FOLH1: variants seen among roughly 807,000 people sequenced by gnomAD.
FOLH1 encodes folate hydrolase 1.
Under a neutral mutation model 93.9 loss-of-function variants are expected in FOLH1, and 54 were observed. The ratio of observed to expected loss-of-function variants is 0.57; its 90% CI spans 0.46 to 0.72. The LOEUF (loss-of-function observed/expected upper bound fraction) is 0.72. Among genes scored for constraint, FOLH1 ranks in the 30% least tolerant of loss-of-function variants. The probability of loss-of-function intolerance (pLI) is 0.00; values close to 1 mark genes in which losing one functional copy is unlikely to be tolerated. For missense variants in FOLH1, 571 were observed against 892.5 expected (o/e 0.64, Z 4.59); for synonymous variants, 249 against 303.6 (o/e 0.82, Z 1.87).
Position 49,181,522 on chromosome 11 carries a change from T to A in FOLH1, c.920+1627A>T, listed in dbSNP as rs1242582961. On this transcript the variant is annotated intron_variant, in intron 7 of 18. Coordinates refer to ENST00000256999, the MANE Select transcript of FOLH1 (RefSeq NM_004476.3). ...TTTTCTATATTATTAATTATTCTGG[T>A]ACTACATATAATATCTTTTAATCAC... Among the ~76,000 whole-genome samples the A allele has an allele frequency of 2.7e-4, 41 of 152,172 alleles. 1 individual carries two copies. Among genetic ancestry groups the A allele is most frequent in the Admixed American group, 2.7e-3 (41 of 15,276 alleles).
intron 14 of FOLH1, among the ~76,000 whole-genome samples, 200 bp from the exon 15 acceptor site, chr11:49,157,007 A>G (rs1285471739): frequency 6.6e-6 from 1 of 152,156 alleles, no homozygotes; most frequent in East Asian, 1.9e-4. Context: ...TTCGTGTAGG[A>G]ATGACTATTT....
intron 1 of FOLH1, chr11:49,207,948 C>CAAAACAAAACAAAACA (rs111891603): frequency 2.6e-5 from 13 of 496,386 alleles, no homozygotes; most frequent in African/African-American, 2.3e-4. Flanking sequence ...AACAAACAAA[C>CAAAACAAAACAAAACA]AAACAAAACA....
chr11:49,186,735 T>C lies in FOLH1; in HGVS notation c.548A>G (p.Glu183Gly). The change falls in exon 5 of 19, where the codon GAA (glutamate) becomes GGA (glycine). Residue 183 changes from glutamate to glycine, a missense_variant. Coordinates refer to ENST00000256999, the MANE Select transcript of FOLH1 (RefSeq NM_004476.3). ...GTCCCGTTCCAATTTAAAGAAGTCT[T>C]CAGTTCGTGCATAGTTAACATACAC... ...DLVYVNYART[E>G]DFFKLERDMK... 6.2e-7 allele frequency: 1 copy of C among 1,613,182 alleles called. No homozygotes were observed. Among genetic ancestry groups the C allele is most frequent in the South Asian group, 1.1e-5 (1 of 90,770 alleles).
At chr11:49,157,737 C>T (rs12226775) in intron 14 of FOLH1, among the ~76,000 whole-genome samples, 21,503 of 152,030 alleles carry the variant, frequency 0.14, 1,951 homozygotes, top group African/African-American at 0.24. Context: ...GTATATATTA[C>T]ATATTCTAAA....
intron 11 of FOLH1, among the ~76,000 whole-genome samples, chr11:49,170,540 G>A (rs169366): frequency 0.37 from 55,778 of 151,918 alleles, 11,538 homozygotes; most frequent in African/African-American, 0.57. Flanking sequence ...GCTTGAACCC[G>A]GGATGCTGAC....
chr11:49,163,973 G>A (rs1162112026), intron 13 of FOLH1, among the ~76,000 whole-genome samples: 8 of 152,090 alleles, frequency 5.3e-5, no homozygotes, highest in African/African-American at 1.2e-4. Context: ...GTGGGCCATC[G>A]TCCTGCCTTG....
chr11:49,191,250 G>C (rs1862000249), intron 4 of FOLH1, among the ~76,000 whole-genome samples: 1 of 152,182 alleles, frequency 6.6e-6, no homozygotes, highest in African/African-American at 2.4e-5. Flanking sequence ...CTGACCTCTT[G>C]ATCCGCCCCC....
At position 49,173,474 on chromosome 11, in the gene FOLH1, T is replaced by C. The variant is rs757072600; in HGVS notation, c.1108A>G (p.Arg370Gly). The C allele has an allele frequency of 6.2e-7, 1 of 1,600,358 alleles. No individual in the cohort carries two copies. The highest frequency in any genetic ancestry group is 8.5e-7 in the Non-Finnish European group (1 of 1,172,248). Residue 370 changes from arginine to glycine, a missense_variant and splice_region_variant, in exon 10 of 19, where the codon AGA (arginine) becomes GGA (glycine). Transcript: ENST00000256999. ...GTLRGAVEPDRYVILGGHRDS... is the reference protein window; with the variant it reads ...GTLRGAVEPDGYVILGGHRDS... ...CGGTGACCTCCCAGAATGACATATCTGTCTAGAAAGCATAGATACAAGATT... is the reference window on the plus strand; with the variant it reads ...CGGTGACCTCCCAGAATGACATATCCGTCTAGAAAGCATAGATACAAGATT...
At chr11:49,176,044 C>G in intron 7 of FOLH1, 87 bp from the exon 8 acceptor site, 2 of 1,177,056 alleles carry the variant, frequency 1.7e-6, no homozygotes, top group Non-Finnish European at 2.5e-6. Context: ...TATTGAGCAT[C>G]TGCTCATAAT....
intron 13 of FOLH1, among the ~76,000 whole-genome samples, chr11:49,161,733 T>G (rs1857723733): frequency 6.6e-6 from 1 of 152,156 alleles, no homozygotes. Flanking sequence ...GTCTGTGTAC[T>G]TCAGTGTGTT....
intron 12 of FOLH1, among the ~76,000 whole-genome samples, chr11:49,165,543 G>C (rs1255607072): frequency 1.3e-5 from 2 of 152,142 alleles, no homozygotes; most frequent in African/African-American, 2.4e-5. Flanking sequence ...AGGAGTTTTG[G>C]GGGAGGGAAG....
chr11:49,169,770 C>T (rs531204240), intron 11 of FOLH1, among the ~76,000 whole-genome samples: 80 of 152,222 alleles, frequency 5.3e-4, no homozygotes, highest in African/African-American at 1.8e-3. Context: ...TAGGATGGTA[C>T]CATCTCCTGG....
chr11:49,196,578 CTAA>C (rs1298351627), intron 3 of FOLH1, among the ~76,000 whole-genome samples: 2 of 151,698 alleles, frequency 1.3e-5, no homozygotes, highest in East Asian at 3.9e-4. Flanking sequence ...AACCCTAATG[CTAA>C]TATTACAAGT....
intron 5 of FOLH1, chr11:49,186,106 C>T (rs1448954729): frequency 1.8e-5 from 10 of 561,196 alleles, no homozygotes; most frequent in African/African-American, 3.9e-5. Context: ...TATTTCCTAC[C>T]ACTAGCTTAC....
At chr11:49,161,475 G>A (rs1039097649) in intron 13 of FOLH1, among the ~76,000 whole-genome samples, 3 of 151,946 alleles carry the variant, frequency 2.0e-5, no homozygotes, top group Non-Finnish European at 4.4e-5. Context: ...TTTTCTATTT[G>A]CTTGGTAGAC....
At chr11:49,170,873 A>T (rs1859176949) in intron 11 of FOLH1, among the ~76,000 whole-genome samples, 1 of 152,206 alleles carries the variant, frequency 6.6e-6, no homozygotes, top group South Asian at 2.1e-4. Context: ...AAACTACAAT[A>T]TGATTAAGAA....
intron 2 of FOLH1, among the ~76,000 whole-genome samples, chr11:49,203,720 G>T (rs866635702): frequency 2.0e-5 from 3 of 152,104 alleles, no homozygotes; most frequent in African/African-American, 7.2e-5. Context: ...CTTGCTGAGG[G>T]TCCAAAAAGA....
At chr11:49,207,948 C>CAAACAAAACA (rs74962694) in intron 1 of FOLH1, 112,131 of 495,238 alleles carry the variant, frequency 0.23, 14,267 homozygotes, top group African/African-American at 0.38. Context: ...AACAAACAAA[C>CAAACAAAACA]AAACAAAACA....
intron 17 of FOLH1, among the ~76,000 whole-genome samples, chr11:49,152,754 A>G (rs1394938319): frequency 4.6e-5 from 7 of 152,106 alleles, no homozygotes; most frequent in African/African-American, 7.2e-5. Flanking sequence ...TAATTTTCGT[A>G]TTCTGAACCA....
Sources: allele counts gnomAD v4.1 joint callset (sites outside exome capture counted in the v4.1 genomes callset), GRCh38; gene constraint gnomAD v4.1.1; transcripts MANE v1.5; gene names NCBI Gene and HGNC (gene_info 2026-07-23, HGNC 2026-07-21).